Variants in EXOC6B observed in about 807,000 individuals in gnomAD.
EXOC6B encodes the protein exocyst complex component 6B, also known as SEC15 homolog B.
Under a neutral mutation model 113.5 loss-of-function variants are expected in EXOC6B, and 54 were observed. That is an observed-to-expected ratio of 0.48 (90% CI 0.38 to 0.60). The LOEUF is 0.60. Among genes scored for constraint, EXOC6B ranks in the 20% least tolerant of loss-of-function variants. The probability of loss-of-function intolerance (pLI) is 0.00; values close to 1 mark genes in which losing one functional copy is unlikely to be tolerated. For synonymous variants in EXOC6B, 357 were observed against 339.0 expected (o/e 1.05, Z -0.58); for missense variants, 797 against 977.5 (o/e 0.82, Z 2.46).
At chr2:72,709,924 T>C (rs1231192251) in intron 6 of EXOC6B, among the ~76,000 whole-genome samples, 1 of 152,150 alleles carries the variant, frequency 6.6e-6, no homozygotes, top group Non-Finnish European at 1.5e-5. Context: ...AGGAAAATCT[T>C]TTAAAGTCAT....
chr2:72,244,345 T>C (rs1682519580), intron 20 of EXOC6B, among the ~76,000 whole-genome samples: 1 of 152,146 alleles, frequency 6.6e-6, no homozygotes. Context: ...TTAAATAATA[T>C]GTTTAACTAA....
rs958362049 is a variant in EXOC6B at position 72,370,339 on chromosome 2, G to A, written c.2122+9390C>T. ...ACCATCTCACACCAGTTAGAATGGC[G>A]ATCATTAAAAAGTCAGGAAACAACA... On this transcript the variant is annotated intron_variant, in intron 19 of 21. Transcript: ENST00000272427. 6.0e-4 allele frequency among the ~76,000 whole-genome samples: 92 copies of A among 152,158 alleles called. 2 individuals carry two copies. Among genetic ancestry groups the A allele is most frequent in the Non-Finnish European group, 9.1e-4 (62 of 68,012 alleles).
At chr2:72,506,848 T>C (rs543125308) in intron 11 of EXOC6B, among the ~76,000 whole-genome samples, 1 of 152,264 alleles carries the variant, frequency 6.6e-6, no homozygotes, top group South Asian at 2.1e-4. Context: ...TTGATTAGTA[T>C]AGTTGAATCT....
chr2:72,324,709 C>G (rs1688028229), intron 20 of EXOC6B, among the ~76,000 whole-genome samples: 1 of 152,134 alleles, frequency 6.6e-6, no homozygotes, highest in South Asian at 2.1e-4. Flanking sequence ...AACGTAAGGT[C>G]TGCTCAGTTC....
rs117131413 is a variant in EXOC6B, at chr2:72,786,824, T to C, written c.113+38974A>G. ...TAGTAGACCATCTTAAGTATGCTTTTGTTGAAAAAATTATAAAAAATGAAA... is the reference window on the plus strand; with the variant it reads ...TAGTAGACCATCTTAAGTATGCTTTCGTTGAAAAAATTATAAAAAATGAAA... On this transcript the variant is annotated intron_variant, in intron 1 of 21. Transcript: ENST00000272427. Among the ~76,000 whole-genome samples, 220 of 152,294 alleles carry C rather than the reference T, an allele frequency of 1.4e-3. 2 individuals are homozygous for C. In the East Asian group the frequency reaches 0.035, roughly 25 times the overall value.
chr2:72,183,874 C>T (rs41408), intron 21 of EXOC6B, among the ~76,000 whole-genome samples: 21,153 of 152,022 alleles, frequency 0.14, 1,884 homozygotes, highest in Non-Finnish European at 0.19. Flanking sequence ...TTGTTGGGGG[C>T]TCAGGAATTA....
At chr2:72,412,441 T>A (rs1694244763) in intron 18 of EXOC6B, among the ~76,000 whole-genome samples, 1 of 152,144 alleles carries the variant, frequency 6.6e-6, no homozygotes, top group Non-Finnish European at 1.5e-5. Flanking sequence ...TAGATACACA[T>A]CCTCTAGGTG....
In EXOC6B at chr2:72,646,699, C is replaced by A. The variant is rs537741950; in HGVS notation, c.670-71031G>T. Among the ~76,000 whole-genome samples the A allele has an allele frequency of 4.8e-3, 737 of 152,224 alleles. 19 individuals carry two copies. The highest frequency in any genetic ancestry group is 0.044 in the Admixed American group (677 of 15,286). On this transcript the variant is annotated intron_variant, in intron 6 of 21. Coordinates refer to ENST00000272427, the MANE Select transcript of EXOC6B (RefSeq NM_015189.3). ...ACATAAACAGAACCAATGACAAAAA[C>A]CACATGATTATCTCAATAGATGCAG... is the stretch of plus-strand genomic sequence containing the variant.
chr2:72,509,102 C>T (rs2105646448), intron 11 of EXOC6B, among the ~76,000 whole-genome samples: 2 of 152,204 alleles, frequency 1.3e-5, no homozygotes, highest in South Asian at 4.2e-4. Flanking sequence ...GGCCCTAATC[C>T]AGTGGGATTG....
chr2:72,797,517 A>G (rs1042591008), intron 1 of EXOC6B, among the ~76,000 whole-genome samples: 1 of 152,238 alleles, frequency 6.6e-6, no homozygotes, highest in Admixed American at 6.5e-5. Context: ...AAGACTAAGT[A>G]AAATATACAT....
intron 1 of EXOC6B, among the ~76,000 whole-genome samples, chr2:72,751,730 A>G (rs1682056067): frequency 6.6e-6 from 1 of 152,170 alleles, no homozygotes; most frequent in Non-Finnish European, 1.5e-5. Context: ...AAGACGAAAG[A>G]CGGAAAACAC....
chr2:72,340,493 G>C (rs574639189), intron 19 of EXOC6B, among the ~76,000 whole-genome samples: 2 of 152,218 alleles, frequency 1.3e-5, no homozygotes, highest in Admixed American at 1.3e-4. Flanking sequence ...AAGGTGAAAA[G>C]ACAATCTGCA....
At chr2:72,721,937 G>A (rs566552916) in intron 5 of EXOC6B, 5 of 150,372 alleles carry the variant, frequency 3.3e-5, no homozygotes, top group African/African-American at 1.2e-4. Flanking sequence ...GATAAAATGG[G>A]AACTTATTTA....
intron 20 of EXOC6B, among the ~76,000 whole-genome samples, chr2:72,194,060 G>A (rs1017670314): frequency 6.6e-6 from 1 of 152,140 alleles, no homozygotes. Flanking sequence ...GAAAAGGTTT[G>A]CCTGTAGATC....
intron 7 of EXOC6B, among the ~76,000 whole-genome samples, chr2:72,569,082 C>T (rs1181345731): frequency 6.6e-6 from 1 of 152,034 alleles, no homozygotes. Flanking sequence ...CTAAAGCATG[C>T]CATAATGTTT....
intron 20 of EXOC6B, among the ~76,000 whole-genome samples, chr2:72,288,530 A>C (rs1409925361): frequency 6.6e-6 from 1 of 152,192 alleles, no homozygotes; most frequent in Non-Finnish European, 1.5e-5. Context: ...AATGAGAAAG[A>C]ATAAACTGCT....
intron 1 of EXOC6B, among the ~76,000 whole-genome samples, chr2:72,805,932 T>C (rs1395810845): frequency 6.6e-6 from 1 of 152,192 alleles, no homozygotes; most frequent in Non-Finnish European, 1.5e-5. Flanking sequence ...TCCTTCCAGG[T>C]TCATCCATGT....
chr2:72,369,672 C>T (rs1690878625), intron 19 of EXOC6B, among the ~76,000 whole-genome samples: 1 of 152,012 alleles, frequency 6.6e-6, no homozygotes, highest in African/African-American at 2.4e-5. Flanking sequence ...AGATATAGAC[C>T]AATGGAACAG....
Position 72,496,529 on chromosome 2 carries a change from A to T in EXOC6B, c.1368T>A (p.Pro456=), listed in dbSNP as rs778921080. 2.5e-6 allele frequency: 4 copies of T among 1,592,226 alleles called. No homozygotes were observed. In the Admixed American group the frequency reaches 6.9e-5, roughly 27 times the overall value. Reference sequence around the variant, plus strand: ...ACATCTCTTCACTTGTTACTGGTATAGGACTGTAGTTGTCAGAATCAAGTA... The same window carrying T: ...ACATCTCTTCACTTGTTACTGGTATTGGACTGTAGTTGTCAGAATCAAGTA... ...RNILDSDNYS[P]IPVTSEEMYK... is the part of the protein sequence containing the mutation. Residue 456 remains proline (P), a synonymous_variant, in exon 14 of 22, where the codon CCT becomes CCA. Coordinates refer to ENST00000272427, the MANE Select transcript of EXOC6B (RefSeq NM_015189.3).
Sources: gnomAD v4.1 joint callset for allele counts (sites outside exome capture counted in the v4.1 genomes callset) on GRCh38, gnomAD v4.1.1 for gene constraint, MANE v1.5 for transcripts, NCBI Gene and HGNC (gene_info 2026-07-23, HGNC 2026-07-21) for gene names.